The following TACC2 variants were observed in gnomAD, a reference collection of about 807,000 sequenced individuals.
TACC2 encodes the protein transforming acidic coiled-coil containing protein 2, also known as transforming acidic coiled-coil-containing protein 2.
A neutral mutation model predicts 227.3 loss-of-function variants in TACC2; 137 were observed. The ratio of observed to expected loss-of-function variants is 0.60; its 90% CI spans 0.52 to 0.69. The LOEUF (loss-of-function observed/expected upper bound fraction) is 0.69. Ranked by LOEUF, TACC2 falls within the 30% of genes least tolerant of loss-of-function variation. The pLI is 0.00. For missense variants in TACC2, 3,470 were observed against 3,694.4 expected, an observed-to-expected ratio of 0.94 and a Z score of 1.57; for synonymous variants, 1,523 against 1,487.5, an observed-to-expected ratio of 1.02 and a Z score of -0.55.
chr10:122,065,306 G>A lies in TACC2; in HGVS notation c.146+14756G>A, dbSNP rs568042639. Among the ~76,000 whole-genome samples, 12 of 152,128 alleles carry A rather than the reference G, an allele frequency of 7.9e-5. No individual in the cohort carries two copies. In the South Asian group the frequency reaches 1.9e-3, roughly 24 times the overall value. On this transcript the variant is annotated intron_variant, in intron 3 of 22. Coordinates refer to ENST00000369005, the MANE Select transcript of TACC2 (RefSeq NM_206862.4). ...TCACTCTGAGACCTGTTTTAACTGC[G>A]TCCCACAAATTTTGATATTTCTGTT... is the stretch of plus-strand genomic sequence containing the variant.
intron 1 of TACC2, among the ~76,000 whole-genome samples, chr10:121,994,394 C>T (rs915815308): frequency 6.6e-6 from 1 of 152,204 alleles, no homozygotes; most frequent in Non-Finnish European, 1.5e-5. Context: ...CTTCGGATCC[C>T]AAATAAATGT....
intron 5 of TACC2, among the ~76,000 whole-genome samples, chr10:122,122,232 A>G (rs6585792): frequency 0.67 from 101,923 of 151,686 alleles, 37,712 homozygotes; most frequent in South Asian, 0.83. Flanking sequence ...GTGGGCACCT[A>G]TAGTCCCAGC....
chr10:122,003,719 G>A (rs1054273049), intron 1 of TACC2, among the ~76,000 whole-genome samples: 4 of 151,674 alleles, frequency 2.6e-5, no homozygotes, highest in Non-Finnish European at 2.9e-5. Flanking sequence ...GCAATGGCGC[G>A]ATCTGGGCTC....
At chr10:122,046,210 C>G (rs922608146) in intron 2 of TACC2, among the ~76,000 whole-genome samples, 13 of 151,622 alleles carry the variant, frequency 8.6e-5, no homozygotes, top group Non-Finnish European at 1.6e-4. Context: ...TGTGGTGGCT[C>G]ACGCCTGTAA....
At chr10:122,170,217 GAC>G in intron 7 of TACC2, among the ~76,000 whole-genome samples, 1 of 147,622 alleles carries the variant, frequency 6.8e-6, no homozygotes, top group East Asian at 2.0e-4. Flanking sequence ...CAACACCTGG[GAC>G]CTTATTCACC....
chr10:122,232,258 C>T lies in TACC2; in HGVS notation c.8127+1818C>T, dbSNP rs552580930. 2.6e-5 allele frequency among the ~76,000 whole-genome samples: 4 copies of T among 152,326 alleles called. No homozygotes were observed. The East Asian group carries it at 5.8e-4, about 22-fold the overall frequency. ...TGGGGCCTAAAGACAGAATGAATTGCATGCAGTTTGGCCACTGTAAGTACC... is the reference window on the plus strand; with the variant it reads ...TGGGGCCTAAAGACAGAATGAATTGTATGCAGTTTGGCCACTGTAAGTACC... On this transcript the variant is annotated intron_variant, in intron 16 of 22. Coordinates refer to ENST00000369005, the MANE Select transcript of TACC2 (RefSeq NM_206862.4).
At chr10:122,012,418 C>CAAAAAAAAGAAAAAAA (rs1956056145) in intron 1 of TACC2, among the ~76,000 whole-genome samples, 1 of 60,726 alleles carries the variant, frequency 1.6e-5, no homozygotes, top group Non-Finnish European at 2.9e-5. Context: ...GACTCCGTCT[C>CAAAAAAAAGAAAAAAA]AAAAAAAAAA....
At chr10:122,016,321 T>G (rs1323386423) in intron 1 of TACC2, among the ~76,000 whole-genome samples, 1 of 145,260 alleles carries the variant, frequency 6.9e-6, no homozygotes, top group African/African-American at 2.6e-5. Flanking sequence ...ATAATCCCAG[T>G]ACTTTTGAAG....
At chr10:122,013,160 G>A (rs3829197) in intron 1 of TACC2, among the ~76,000 whole-genome samples, 69,589 of 151,970 alleles carry the variant, frequency 0.46, 16,092 homozygotes, top group South Asian at 0.62. Flanking sequence ...GGGACTCTCT[G>A]AGGTTTTCCC....
chr10:122,214,838 C>T (rs2095368028), intron 9 of TACC2, among the ~76,000 whole-genome samples: 1 of 152,140 alleles, frequency 6.6e-6, no homozygotes, highest in Non-Finnish European at 1.5e-5. Flanking sequence ...GTCAGGATTC[C>T]ACCTAGAAGC....
At chr10:122,059,576 C>T (rs989971367) in intron 3 of TACC2, among the ~76,000 whole-genome samples, 5 of 151,492 alleles carry the variant, frequency 3.3e-5, no homozygotes, top group Non-Finnish European at 7.4e-5. Flanking sequence ...TTTTTTCCAA[C>T]ATATATTTAC....
chr10:122,083,177 A>C lies in TACC2; in HGVS notation c.677A>C (p.Gln226Pro), dbSNP rs2079729409. The change falls in exon 4 of 23, where the codon CAA (glutamine) becomes CCA (proline). Residue 226 changes from glutamine to proline, a missense_variant. Coordinates refer to ENST00000369005, the MANE Select transcript of TACC2 (RefSeq NM_206862.4). The part of the protein sequence containing the change: ...EGDQPGGFES[Q>P]EKEAAGGFPP... ...GACCAGCCTGGTGGTTTTGAGTCCC[A>C]AGAGAAAGAGGCTGCAGGTGGCTTT... 1 of 1,613,280 alleles carries C rather than the reference A, an allele frequency of 6.2e-7. No homozygotes were observed. The highest frequency in any genetic ancestry group is 8.5e-7 in the Non-Finnish European group (1 of 1,179,988).
At chr10:122,115,633 G>T (rs1272499680) in intron 5 of TACC2, among the ~76,000 whole-genome samples, 2 of 152,190 alleles carry the variant, frequency 1.3e-5, no homozygotes, top group Admixed American at 1.3e-4. Flanking sequence ...TAATTGGGAG[G>T]ATGAAAGAAA....
At chr10:122,196,611 C>T (rs1470061519) in intron 8 of TACC2, among the ~76,000 whole-genome samples, 1 of 152,166 alleles carries the variant, frequency 6.6e-6, no homozygotes, top group African/African-American at 2.4e-5. Context: ...TTTTTAAAAA[C>T]TTACCCATAA....
At chr10:122,241,217 G>GT (rs987978295) in intron 18 of TACC2, among the ~76,000 whole-genome samples, 1 of 152,188 alleles carries the variant, frequency 6.6e-6, no homozygotes, top group Non-Finnish European at 1.5e-5. Flanking sequence ...GTGGAAGGAG[G>GT]TAAGATGGAT....
At chr10:122,174,359 C>G (rs2093612199) in intron 7 of TACC2, among the ~76,000 whole-genome samples, 1 of 152,230 alleles carries the variant, frequency 6.6e-6, no homozygotes, top group African/African-American at 2.4e-5. Flanking sequence ...ATGGCACTGG[C>G]TCAGCGCAGA....
intron 22 of TACC2, among the ~76,000 whole-genome samples, chr10:122,253,789 AG>A (rs924934060): frequency 6.6e-6 from 1 of 152,242 alleles, no homozygotes; most frequent in Admixed American, 6.5e-5. Flanking sequence ...ACCAAGGCTC[AG>A]AGAGGTTGTG....
At chr10:122,191,269 C>G (rs553891269) in intron 7 of TACC2, among the ~76,000 whole-genome samples, 2 of 152,178 alleles carry the variant, frequency 1.3e-5, no homozygotes, top group Non-Finnish European at 1.5e-5. Flanking sequence ...GTGTGCACCA[C>G]GATACCTGGC....
chr10:122,160,780 G>GT (rs749770610), intron 7 of TACC2, among the ~76,000 whole-genome samples: 3 of 152,190 alleles, frequency 2.0e-5, no homozygotes, highest in Non-Finnish European at 4.4e-5. Flanking sequence ...TGTAGGCCGA[G>GT]TTACTAGATC....
Sources: allele counts gnomAD v4.1 joint callset (sites outside exome capture counted in the v4.1 genomes callset), GRCh38; gene constraint gnomAD v4.1.1; transcripts MANE v1.5; gene names NCBI Gene and HGNC (gene_info 2026-07-23, HGNC 2026-07-21).